The following ARL6IP6 variants were observed in gnomAD, a reference collection of about 807,000 sequenced individuals.
The protein encoded by ARL6IP6 is ADP-ribosylation factor-like protein 6-interacting protein 6.
ARL6IP6 carries 22 observed loss-of-function variants against 21.5 expected under a neutral mutation model. That is an observed-to-expected ratio of 1.02 (90% CI 0.73 to 1.46). The LOEUF is 1.46. Ranked by LOEUF, ARL6IP6 falls within the 40% of genes most tolerant of loss-of-function variation. ARL6IP6 has a pLI of 0.00. For missense variants in ARL6IP6, 388 were observed against 299.8 expected (o/e 1.29, Z -2.17); for synonymous variants, 164 against 125.3 (o/e 1.31, Z -2.06).
chr2:152,746,035 A>T (rs1263439326), intron 3 of ARL6IP6, among the ~76,000 whole-genome samples: 2 of 73,582 alleles, frequency 2.7e-5, no homozygotes, highest in East Asian at 3.5e-4. Flanking sequence ...TTTTTTTTTT[A>T]AAGACAGGTT....
intron 3 of ARL6IP6, among the ~76,000 whole-genome samples, chr2:152,753,270 G>C (rs372696355): frequency 6.6e-6 from 1 of 152,100 alleles, no homozygotes; most frequent in Admixed American, 6.5e-5. Flanking sequence ...CTGATTCTTA[G>C]GAATAGGGAG....
chr2:152,746,001 CTTTTTTTTTTTTT>C (rs67760283), intron 3 of ARL6IP6, among the ~76,000 whole-genome samples: 6,299 of 66,682 alleles, frequency 0.094, 321 homozygotes, highest in East Asian at 0.29. Context: ...TGCTTTGTAC[CTTTTTTTTTTTTT>C]TTTTTTTTTT....
chr2:152,738,791 C>T (rs567478415), intron 3 of ARL6IP6, among the ~76,000 whole-genome samples: 1 of 152,112 alleles, frequency 6.6e-6, no homozygotes, highest in African/African-American at 2.4e-5. Context: ...TCCCCATTGT[C>T]TTGGCAATTA....
intron 2 of ARL6IP6, among the ~76,000 whole-genome samples, chr2:152,721,219 C>G (rs1016803163): frequency 6.6e-6 from 1 of 152,184 alleles, no homozygotes; most frequent in Non-Finnish European, 1.5e-5. Context: ...TAATTACCTT[C>G]TGGAAGAGGC....
rs1701726592 is a variant in ARL6IP6, at chr2:152,759,337, G to A, written c.588-410G>A. Among the ~76,000 whole-genome samples, 3 of 152,242 alleles carry A rather than the reference G, an allele frequency of 2.0e-5. No individual in the cohort carries two copies. The South Asian group carries it at 6.2e-4, about 32-fold the overall frequency. ...ACAGAACAAATACTTGAAATAATAT[G>A]TATTTTAAGTCAAATCAAAGTAAGA... On this transcript the variant is annotated intron_variant, in intron 3 of 3. Coordinates refer to ENST00000326446, the MANE Select transcript of ARL6IP6 (RefSeq NM_152522.7).
intron 2 of ARL6IP6, among the ~76,000 whole-genome samples, chr2:152,722,591 G>C (rs1273444290): frequency 1.3e-5 from 2 of 152,166 alleles, no homozygotes; most frequent in Non-Finnish European, 2.9e-5. Context: ...GGGCCAAGAT[G>C]ATTAAGCTCT....
At position 152,760,087 on chromosome 2, in the gene ARL6IP6, T is replaced by A. The variant is rs1238678752; in HGVS notation, c.*247T>A. ...TACTTTCTTCAGAGTATAAGATGTT[T>A]ACCTCATCTTTTTACTTTTGTGTGT... On this transcript the variant is annotated 3_prime_UTR_variant, in exon 4 of 4. Transcript: ENST00000326446. 1 of 318,686 alleles carries A rather than the reference T, an allele frequency of 3.1e-6. No homozygotes were observed. The highest frequency in any genetic ancestry group is 5.8e-6 in the Non-Finnish European group (1 of 172,656). 19.7% of individuals were successfully genotyped at this position (318,686 alleles called of 1,614,324 possible). A position where few individuals can be genotyped will look rare whatever the true frequency, so the allele number is the denominator to read the frequency against.
At chr2:152,738,199 G>A (rs1700637727) in intron 3 of ARL6IP6, among the ~76,000 whole-genome samples, 1 of 152,210 alleles carries the variant, frequency 6.6e-6, no homozygotes. Context: ...GAAAGAGGTG[G>A]GTTTCCATGA....
intron 2 of ARL6IP6, among the ~76,000 whole-genome samples, chr2:152,725,758 TAGTA>T (rs1700016103): frequency 6.6e-6 from 1 of 152,210 alleles, no homozygotes. Flanking sequence ...TACATGAAGT[TAGTA>T]AGCAATTATT....
At chr2:152,720,119 T>C in intron 1 of ARL6IP6, 1 of 339,600 alleles carries the variant, frequency 2.9e-6, no homozygotes, top group Non-Finnish European at 5.8e-6. Flanking sequence ...CTGATAGTTT[T>C]GTCTCCTAGG....
upstream of ARL6IP6, chr2:152,717,870 G>A (rs1699230349): frequency 1.6e-5 from 17 of 1,068,418 alleles, no homozygotes; most frequent in South Asian, 1.1e-4. Context: ...GCGGGGGTAA[G>A]CAGCCTGTAG....
Position 152,759,812 on chromosome 2 carries a change from C to T in ARL6IP6, c.653C>T (p.Ala218Val), listed in dbSNP as rs1223495089. ...GCGATTTTGAATGGCATCGTAGCTG[C>T]TCTTACTGTAGCATGGTGCCTCATG... is the stretch of plus-strand genomic sequence containing the variant. Reference protein sequence around the residue: ...SMAILNGIVAALTVAWCLM With the variant: ...SMAILNGIVAVLTVAWCLM Residue 218 changes from alanine (A) to valine (V), a missense_variant, in exon 4 of 4, where the codon GCT becomes GTT. By Grantham distance (64) the Ala-to-Val change is moderately conservative (BLOSUM62 0). Coordinates refer to ENST00000326446, the MANE Select transcript of ARL6IP6 (RefSeq NM_152522.7). The T allele has an allele frequency of 2.5e-6, 4 of 1,613,384 alleles. No individual in the cohort carries two copies. Among genetic ancestry groups the T allele is most frequent in the East Asian group, 2.2e-5 (1 of 44,852 alleles).
chr2:152,718,512 CT>C, upstream of ARL6IP6: 1 of 1,438,928 alleles, frequency 6.9e-7, no homozygotes, highest in Non-Finnish European at 9.2e-7. Context: ...TGGTTTACCC[CT>C]GGGCTCTGAG....
intron 2 of ARL6IP6, among the ~76,000 whole-genome samples, chr2:152,721,105 A>G (rs562824931): frequency 6.6e-6 from 1 of 152,204 alleles, no homozygotes; most frequent in South Asian, 2.1e-4. Flanking sequence ...AACAATAATA[A>G]TTTTTTTAAT....
intron 3 of ARL6IP6, among the ~76,000 whole-genome samples, chr2:152,736,374 A>G (rs1700552460): frequency 6.6e-6 from 1 of 152,154 alleles, no homozygotes; most frequent in Non-Finnish European, 1.5e-5. Context: ...TTGCTGTTTA[A>G]TAGACCTTGC....
Position 152,730,061 on chromosome 2 carries a change from T to C in ARL6IP6, c.455-4933T>C, listed in dbSNP as rs192552196. 6.6e-5 allele frequency among the ~76,000 whole-genome samples: 10 copies of C among 152,330 alleles called. 2 individuals carry two copies. The Middle Eastern group carries it at 0.014, about 207-fold the overall frequency. ...CATAAACACTTCTAGACCACAATAT[T>C]GCAATGTACTTTTTTTACCCCTATC... On this transcript the variant is annotated intron_variant, in intron 2 of 3. Transcript: ENST00000326446.
chr2:152,718,448 T>G, upstream of ARL6IP6: 2 of 842,958 alleles, frequency 2.4e-6, no homozygotes, highest in Non-Finnish European at 3.3e-6. Context: ...GCATTCCGCC[T>G]CTCCTTTGGC....
chr2:152,718,852 C>A lies in ARL6IP6; in HGVS notation c.228C>A (p.Asp76Glu), dbSNP rs575269466. The A allele has an allele frequency of 3.1e-6, 5 of 1,612,744 alleles. No individual in the cohort carries two copies. In the Admixed American group the frequency reaches 8.4e-5, roughly 27 times the overall value. Residue 76 changes from aspartate to glutamate, a missense_variant, in exon 1 of 4, where the codon GAC becomes GAA. Asp to Glu is a conservative substitution (Grantham distance 45, BLOSUM62 2). Transcript: ENST00000326446. ...GAAAGCGCTCGGTGCTCCCGCCGGA[C>A]GGGAACGGGTCGCCCGTTCTGCCCG... ...EPRKRSVLPPDGNGSPVLPDK... is the reference protein window; with the variant it reads ...EPRKRSVLPPEGNGSPVLPDK...
rs189690883 is a variant in ARL6IP6 at position 152,727,256 on chromosome 2, A to G, written c.454+6670A>G. On this transcript the variant is annotated intron_variant, in intron 2 of 3. Coordinates refer to ENST00000326446, the MANE Select transcript of ARL6IP6 (RefSeq NM_152522.7). ...TCAACAAAGAAGTTTAAAAACTAAA[A>G]AATTAGAAATAGAAGCTTATAGAGT... Among the ~76,000 whole-genome samples, 617 of 152,366 alleles carry G rather than the reference A, an allele frequency of 4.0e-3. 6 individuals carry two copies. The highest frequency in any genetic ancestry group is 0.024 in the Middle Eastern group (7 of 294).
Sources: gnomAD v4.1 joint callset for allele counts (sites outside exome capture counted in the v4.1 genomes callset) on GRCh38, gnomAD v4.1.1 for gene constraint, MANE v1.5 for transcripts, NCBI Gene and HGNC (gene_info 2026-07-23, HGNC 2026-07-21) for gene names.